Variants in MYLIP observed in about 807,000 individuals in gnomAD.
MYLIP encodes the protein E3 ubiquitin-protein ligase MYLIP.
Under a neutral mutation model 45.8 loss-of-function variants are expected in MYLIP, and 26 were observed. The observed-to-expected ratio is 0.57, with a 90% CI of 0.42 to 0.79. The LOEUF is 0.79. Ranked by LOEUF, MYLIP falls within the 30% of genes least tolerant of loss-of-function variation. The pLI is 0.00. For synonymous variants in MYLIP, 213 were observed against 218.1 expected, an observed-to-expected ratio of 0.98 and a Z score of 0.21; for missense variants, 494 against 555.6, an observed-to-expected ratio of 0.89 and a Z score of 1.11.
chr6:16,138,639 A>C (rs1472170936), intron 2 of MYLIP, among the ~76,000 whole-genome samples: 2 of 152,186 alleles, frequency 1.3e-5, no homozygotes, highest in Admixed American at 6.5e-5. Flanking sequence ...CTGTAAGTCC[A>C]TCTAAAAAGG....
chr6:16,162,785 T>TAAAAA, the MYLIP span, among the ~76,000 whole-genome samples: 74 of 69,570 alleles, frequency 1.1e-3, 5 homozygotes, highest in African/African-American at 3.7e-3. Flanking sequence ...ACCTCAACTC[T>TAAAAA]AAAAAAAAAA....
chr6:16,145,411 G>A (rs1759769712), intron 6 of MYLIP, 94 bp downstream of exon 6: 6 of 1,377,566 alleles, frequency 4.4e-6, no homozygotes, highest in African/African-American at 1.5e-5. Context: ...CTAATGCACA[G>A]ACGGGGAATG....
At position 16,143,813 on chromosome 6, in the gene MYLIP, G is replaced by A. The variant is rs1156951039; in HGVS notation, c.777G>A (p.Arg259=). 8 of 1,613,452 alleles carry A rather than the reference G, an allele frequency of 5.0e-6. No homozygotes were observed. Among genetic ancestry groups the A allele is most frequent in the South Asian group, 4.4e-5 (4 of 91,016 alleles). The change falls in exon 5 of 7, where the codon AGG becomes AGA. Residue 259 remains arginine (R), a synonymous_variant. Coordinates refer to ENST00000356840, the MANE Select transcript of MYLIP (RefSeq NM_013262.4). ...IVLLFKMIST[R]AASGLYRAIT... ...TCTTGTTTAAAATGATCAGCACCAG[G>A]GCGGCCAGCGGGCTCTACCGAGCGA... is the stretch of plus-strand genomic sequence containing the variant.
chr6:16,145,137 C>T lies in MYLIP; in HGVS notation c.1068C>T (p.Ser356=). 6.2e-7 allele frequency: 1 copy of T among 1,614,194 alleles called. No individual in the cohort carries two copies. Among genetic ancestry groups the T allele is most frequent in the Non-Finnish European group, 8.5e-7 (1 of 1,180,028 alleles). ...PSHSPLKSSE[S]SMNCSSCEGL... ...ACTCGCCTCTGAAGTCCTCAGAAAG[C>T]AGCATGAACTGCAGCAGCTGCGAGG... The change falls in exon 6 of 7, where the codon AGC becomes AGT. Residue 356 remains serine (S), a synonymous_variant. Transcript: ENST00000356840.
Position 16,144,003 on chromosome 6 carries a change from G to C in MYLIP, c.827+140G>C, listed in dbSNP as rs76272508. 1.0e-4 allele frequency: 102 copies of C among 991,516 alleles called. 1 individual carries two copies. Among genetic ancestry groups the C allele is most frequent in the Non-Finnish European group, 1.4e-4 (96 of 696,394 alleles). The allele number at this position is 991,516 out of a possible 1,614,324, so 61.4% of individuals were successfully genotyped here. A position where few individuals can be genotyped will look rare whatever the true frequency, so the allele number is the denominator to read the frequency against. On this transcript the variant is annotated intron_variant, in intron 5 of 6. Transcript: ENST00000356840. ...AAGAAATTCTGAACATTTTGTTTCC[G>C]TAGTAGCAGTGGAGTCCTTATTAAT...
Position 16,129,226 on chromosome 6 carries a change from C to T in MYLIP, c.-97C>T. The T allele has an allele frequency of 1.5e-6, 2 of 1,319,490 alleles. No homozygotes were observed. The highest frequency in any genetic ancestry group is 2.1e-6 in the Non-Finnish European group (2 of 949,478). 81.7% of individuals were successfully genotyped at this position (1,319,490 alleles called of 1,614,324 possible). A position where few individuals can be genotyped will look rare whatever the true frequency, so the allele number is the denominator to read the frequency against. ...AGAGCTGCAGCCTTCGAGGGCCAGC[C>T]CTCTCCGAGTCCGGGGCTGGGTCCC... On this transcript the variant is annotated 5_prime_UTR_variant, in exon 1 of 7. Coordinates refer to ENST00000356840, the MANE Select transcript of MYLIP (RefSeq NM_013262.4). The surrounding 1 kb of genome is among the most constrained non-coding windows in gnomAD (Gnocchi z 5.1).
At chr6:16,162,061 A>G in the MYLIP span, among the ~76,000 whole-genome samples, 1 of 152,250 alleles carries the variant, frequency 6.6e-6, no homozygotes, top group African/African-American at 2.4e-5. Flanking sequence ...TGTAATTACT[A>G]TCCTGAATAA....
At chr6:16,141,013 A>G (rs1288045955) in intron 2 of MYLIP, among the ~76,000 whole-genome samples, 2 of 152,226 alleles carry the variant, frequency 1.3e-5, no homozygotes, top group Non-Finnish European at 2.9e-5. Context: ...AAGAAAGTCA[A>G]GTGAAATAGG....
At chr6:16,151,246 A>T (rs1759875499), downstream of MYLIP, among the ~76,000 whole-genome samples, 1 of 151,514 alleles carries the variant, frequency 6.6e-6, no homozygotes, top group Non-Finnish European at 1.5e-5. Flanking sequence ...AGTCCCAGCT[A>T]CTCAGGAGGC....
the MYLIP span, among the ~76,000 whole-genome samples, chr6:16,156,598 G>T: frequency 6.6e-6 from 1 of 152,204 alleles, no homozygotes; most frequent in Non-Finnish European, 1.5e-5. Flanking sequence ...AAGCTTTGGG[G>T]CACCCAAGTT....
At chr6:16,141,385 G>A (rs7756075) in intron 2 of MYLIP, among the ~76,000 whole-genome samples, 19,001 of 152,150 alleles carry the variant, frequency 0.12, 1,315 homozygotes, top group East Asian at 0.25. Context: ...TAATGTTACC[G>A]AACTTGTGTT....
At chr6:16,148,249 C>A (rs1759835778), downstream of MYLIP, 1 of 152,416 alleles carries the variant, frequency 6.6e-6, no homozygotes. Flanking sequence ...TTAAAGCAAA[C>A]ATGGATGTGT....
At chr6:16,150,883 G>A (rs1027428280), downstream of MYLIP, among the ~76,000 whole-genome samples, 5 of 152,220 alleles carry the variant, frequency 3.3e-5, no homozygotes, top group African/African-American at 7.2e-5. Flanking sequence ...GGATGAGCTC[G>A]AATGCAACGC....
At chr6:16,134,456 T>C (rs1402708991) in intron 2 of MYLIP, among the ~76,000 whole-genome samples, 1 of 152,198 alleles carries the variant, frequency 6.6e-6, no homozygotes, top group Non-Finnish European at 1.5e-5. Flanking sequence ...CACATTCTTT[T>C]GCTTCCTTTC....
the MYLIP span, among the ~76,000 whole-genome samples, chr6:16,155,507 T>C: frequency 6.6e-6 from 1 of 152,332 alleles, no homozygotes; most frequent in East Asian, 1.9e-4. Context: ...GAACCAAGTA[T>C]CTTCTCTGGC....
intron 2 of MYLIP, among the ~76,000 whole-genome samples, chr6:16,135,611 C>T (rs1318091603): frequency 6.6e-6 from 1 of 151,950 alleles, no homozygotes; most frequent in Non-Finnish European, 1.5e-5. Flanking sequence ...TGGCTAGTTA[C>T]TTGAATCCTT....
rs752488097 is a variant in MYLIP, at chr6:16,141,686, G to C, written c.340G>C (p.Glu114Gln). Reference sequence around the variant, plus strand: ...GGCAGGCCACCTCTTGTGTTCCCCAGAGCAGGCAGTGGAACTCAGTGCCCT... The same window carrying C: ...GGCAGGCCACCTCTTGTGTTCCCCACAGCAGGCAGTGGAACTCAGTGCCCT... ...LLAGHLLCSP[E>Q]QAVELSALLA... The change falls in exon 3 of 7, where the codon GAG becomes CAG. Residue 114 changes from glutamate to glutamine, a missense_variant. Coordinates refer to ENST00000356840, the MANE Select transcript of MYLIP (RefSeq NM_013262.4). The C allele has an allele frequency of 6.2e-7, 1 of 1,614,144 alleles. No homozygotes were observed. Among genetic ancestry groups the C allele is most frequent in the South Asian group, 1.1e-5 (1 of 91,080 alleles).
In MYLIP at chr6:16,145,002, T is replaced by C; in HGVS notation, c.933T>C (p.Tyr311=). 1 of 1,614,166 alleles carries C rather than the reference T, an allele frequency of 6.2e-7. No individual in the cohort carries two copies. Among genetic ancestry groups the C allele is most frequent in the Non-Finnish European group, 8.5e-7 (1 of 1,180,038 alleles). Residue 311 remains tyrosine, a synonymous_variant, in exon 6 of 7, where the codon TAT becomes TAC. Transcript: ENST00000356840. ...AAAACATTAACCTTGGCAAGAAATA[T>C]GTCTTTGATATTAAAAGAACATCAA... ...LNENINLGKK[Y]VFDIKRTSKE... is the part of the protein sequence containing the mutation.
intron 2 of MYLIP, among the ~76,000 whole-genome samples, chr6:16,138,485 G>A (rs1454625202): frequency 6.6e-6 from 1 of 152,182 alleles, no homozygotes; most frequent in Non-Finnish European, 1.5e-5. Context: ...GCTATCCTCT[G>A]TCTTGGAAAG....
Sources: allele counts gnomAD v4.1 joint callset (sites outside exome capture counted in the v4.1 genomes callset), GRCh38; gene constraint gnomAD v4.1.1; non-coding constraint Gnocchi (gnomAD v3.1); transcripts MANE v1.5; gene names NCBI Gene and HGNC (gene_info 2026-07-23, HGNC 2026-07-21).